ANKRD30BL: variants seen among roughly 807,000 people sequenced by gnomAD.
ANKRD30BL encodes ankyrin repeat domain 30B like.
Under a neutral mutation model 18.4 loss-of-function variants are expected in ANKRD30BL, and 20 were observed. The observed-to-expected ratio is 1.09, with a 90% CI of 0.77 to 1.58. The LOEUF is 1.58. ANKRD30BL is among the 40% of genes most tolerant of loss of function. The probability of loss-of-function intolerance (pLI) is 0.00; values close to 1 mark genes in which losing one functional copy is unlikely to be tolerated. For synonymous variants in ANKRD30BL, 72 were observed against 100.9 expected (o/e 0.71, Z 1.72); for missense variants, 224 against 268.6 (o/e 0.83, Z 1.16).
rs562063793 is a variant in ANKRD30BL, at chr2:132,237,440, G to A, written n.441+20089C>T. On this transcript the variant is annotated intron_variant and non_coding_transcript_variant, in intron 1 of 4. Transcript: ENST00000470729. ...GCATTGAGGATTTCGTTGGAAACGGGAATATCTTCACATAAAACTAGACAG... is the reference window on the plus strand; with the variant it reads ...GCATTGAGGATTTCGTTGGAAACGGAAATATCTTCACATAAAACTAGACAG... 9.3e-3 allele frequency among the ~76,000 whole-genome samples: 1,410 copies of A among 151,974 alleles called. 24 individuals are homozygous for A. Among genetic ancestry groups the A allele is most frequent in the African/African-American group, 0.031 (1,306 of 41,510 alleles).
In ANKRD30BL at chr2:132,223,474, G is replaced by T. The variant is rs1411051147; in HGVS notation, n.441+34055C>A. Reference sequence around the variant, plus strand: ...TCTTCCCATAGAAACTAGACAGAAGGATTCTCAGAAACTTCTTTGTGATAT... The same window carrying T: ...TCTTCCCATAGAAACTAGACAGAAGTATTCTCAGAAACTTCTTTGTGATAT... On this transcript the variant is annotated intron_variant and non_coding_transcript_variant, in intron 1 of 4. Coordinates refer to the ANKRD30BL transcript ENST00000470729. Among the ~76,000 whole-genome samples, 11 of 149,764 alleles carry T rather than the reference G, an allele frequency of 7.3e-5. No individual in the cohort carries two copies. The South Asian group carries it at 1.1e-3, about 14-fold the overall frequency.
chr2:132,222,135 G>A (rs1252881960), intron 1 of ANKRD30BL, among the ~76,000 whole-genome samples: 3 of 149,588 alleles, frequency 2.0e-5, no homozygotes, highest in East Asian at 2.1e-4. Flanking sequence ...GAGGTGAGGG[G>A]CGCCTCTGCC....
At chr2:132,234,955 G>A (rs1200556333) in intron 1 of ANKRD30BL, among the ~76,000 whole-genome samples, 15 of 152,044 alleles carry the variant, frequency 9.9e-5, no homozygotes, top group Admixed American at 5.3e-4. Context: ...CTGGCAAAAC[G>A]AATCCAGCAG....
chr2:132,162,061 C>T (rs924069608), upstream of ANKRD30BL: 1 of 203,754 alleles, frequency 4.9e-6, no homozygotes. Context: ...GCTACTGAGG[C>T]GCTATCGGGC....
chr2:132,218,218 A>G (rs548757703), intron 1 of ANKRD30BL, among the ~76,000 whole-genome samples: 1 of 152,050 alleles, frequency 6.6e-6, no homozygotes, highest in Non-Finnish European at 1.5e-5. Flanking sequence ...CAGCTTTGAA[A>G]CACTCTTTTT....
At chr2:132,243,591 T>C (rs562770880) in intron 1 of ANKRD30BL, among the ~76,000 whole-genome samples, 1 of 151,904 alleles carries the variant, frequency 6.6e-6, no homozygotes, top group African/African-American at 2.4e-5. Flanking sequence ...AGAAGCATTC[T>C]CAGAAACTTC....
chr2:132,165,992 C>G (rs1413683448), upstream of ANKRD30BL, among the ~76,000 whole-genome samples: 1 of 152,076 alleles, frequency 6.6e-6, no homozygotes, highest in Non-Finnish European at 1.5e-5. Context: ...AAATTCACCT[C>G]AATTCCTAGT....
chr2:132,186,562 T>C (rs1688563635), intron 1 of ANKRD30BL, among the ~76,000 whole-genome samples: 1 of 152,216 alleles, frequency 6.6e-6, no homozygotes, highest in South Asian at 2.1e-4. Context: ...CTTACTAATA[T>C]AATCCTATAA....
At chr2:132,227,175 C>G (rs1329011732) in intron 1 of ANKRD30BL, among the ~76,000 whole-genome samples, 1 of 151,914 alleles carries the variant, frequency 6.6e-6, no homozygotes, top group South Asian at 2.1e-4. Context: ...TATTTGACTG[C>G]TTTGAGGCCT....
intron 1 of ANKRD30BL, among the ~76,000 whole-genome samples, chr2:132,195,947 C>T (rs530898457): frequency 1.3e-5 from 2 of 151,434 alleles, no homozygotes; most frequent in South Asian, 4.2e-4. Flanking sequence ...GAAGACCATC[C>T]TGGCTAACAC....
upstream of ANKRD30BL, among the ~76,000 whole-genome samples, chr2:132,166,689 C>A (rs1688193069): frequency 6.6e-6 from 1 of 152,012 alleles, no homozygotes; most frequent in African/African-American, 2.4e-5. Context: ...TGTTCATTCT[C>A]TCTTTTTTTC....
At chr2:132,186,375 AAAG>A (rs1308170512) in intron 1 of ANKRD30BL, among the ~76,000 whole-genome samples, 3 of 152,180 alleles carry the variant, frequency 2.0e-5, no homozygotes, top group Non-Finnish European at 4.4e-5. Context: ...AGTGAGAAAA[AAAG>A]AGGCTGGTAT....
intron 1 of ANKRD30BL, among the ~76,000 whole-genome samples, chr2:132,208,732 C>A (rs571030869): frequency 6.6e-6 from 1 of 151,372 alleles, no homozygotes; most frequent in Non-Finnish European, 1.5e-5. Flanking sequence ...TAAATGTGTG[C>A]CCTCAGATAG....
At chr2:132,246,735 A>T (rs1680509993) in intron 1 of ANKRD30BL, among the ~76,000 whole-genome samples, 1 of 152,016 alleles carries the variant, frequency 6.6e-6, no homozygotes, top group Non-Finnish European at 1.5e-5. Flanking sequence ...AATAGTTGTG[A>T]AACACTCCTT....
At chr2:132,234,059 A>G (rs1256855028) in intron 1 of ANKRD30BL, among the ~76,000 whole-genome samples, 4 of 152,134 alleles carry the variant, frequency 2.6e-5, no homozygotes, top group Non-Finnish European at 4.4e-5. Context: ...ACTACATGGA[A>G]ACTGAACAAC....
intron 1 of ANKRD30BL, among the ~76,000 whole-genome samples, chr2:132,222,453 A>T (rs1354018227): frequency 6.6e-6 from 1 of 151,996 alleles, no homozygotes; most frequent in African/African-American, 2.4e-5. Context: ...GTGTGGATAG[A>T]AGTAGACATG....
In ANKRD30BL at chr2:132,221,708, T is replaced by C. The variant is rs866342053; in HGVS notation, n.441+35821A>G. Among the ~76,000 whole-genome samples, 249 of 72,848 alleles carry C rather than the reference T, an allele frequency of 3.4e-3. 1 individual carries two copies. Among genetic ancestry groups the C allele is most frequent in the African/African-American group, 0.018 (187 of 10,500 alleles). 47.8% of individuals were successfully genotyped at this position (72,848 alleles called of 152,430 possible). On this transcript the variant is annotated intron_variant and non_coding_transcript_variant, in intron 1 of 4. Coordinates refer to the ANKRD30BL transcript ENST00000470729. ...GAGGGAGGTGGGGGGATCAGCCCCC[T>C]GCCTGGCCAGCCGCCCCGTCCGGGA...
intron 1 of ANKRD30BL, among the ~76,000 whole-genome samples, chr2:132,229,347 G>T (rs1429743610): frequency 3.3e-5 from 5 of 151,944 alleles, no homozygotes; most frequent in African/African-American, 9.7e-5. Flanking sequence ...CATCTAGAAA[G>T]TTGAACATTT....
At position 132,257,541 on chromosome 2, in the gene ANKRD30BL, G is replaced by C. The variant is rs565594241; in HGVS notation, n.429C>G. ...TTCCCCCACTCACCTCATCAAGGGG[G>C]AAGTGGAGGAGGGTCCTCTGCAAGC... On this transcript the variant is annotated non_coding_transcript_exon_variant, in exon 1 of 5. Coordinates refer to the ANKRD30BL transcript ENST00000470729. 3 of 225,062 alleles carry C rather than the reference G, an allele frequency of 1.3e-5. No homozygotes were observed. The South Asian group carries it at 1.6e-4, about 12-fold the overall frequency. The allele number at this position is 225,062 out of a possible 1,614,324, so 13.9% of individuals were successfully genotyped here.
Sources: gnomAD v4.1 joint callset for allele counts (sites outside exome capture counted in the v4.1 genomes callset) on GRCh38, gnomAD v4.1.1 for gene constraint, MANE v1.5 for transcripts, NCBI Gene and HGNC (gene_info 2026-07-23, HGNC 2026-07-21) for gene names.